Variants in VWDE observed in about 807,000 individuals in gnomAD.
VWDE encodes the protein von Willebrand factor D and EGF domain-containing protein.
A neutral mutation model predicts 178.4 loss-of-function variants in VWDE; 207 were observed. That is an observed-to-expected ratio of 1.16 (90% CI 1.04 to 1.30). The LOEUF (loss-of-function observed/expected upper bound fraction) is 1.30, where lower values mean the gene tolerates loss of function less well. Ranked by LOEUF, VWDE falls within the 50% of genes most tolerant of loss-of-function variation. VWDE has a pLI of 0.00. For synonymous variants in VWDE, 738 were observed against 651.4 expected (o/e 1.13, Z -2.02); for missense variants, 2,287 against 1,901.3 (o/e 1.20, Z -3.77).
intron 10 of VWDE, 29 bp from the exon 11 acceptor site, chr7:12,370,893 A>G (rs1308946857): frequency 4.1e-6 from 6 of 1,468,350 alleles, no homozygotes; most frequent in Admixed American, 2.7e-5. Context: ...TACAGAAATA[A>G]AAGATGTTGA....
At chr7:12,397,185 A>G (rs1209361398) in intron 1 of VWDE, among the ~76,000 whole-genome samples, 2 of 152,332 alleles carry the variant, frequency 1.3e-5, no homozygotes, top group South Asian at 4.1e-4. Flanking sequence ...ATAAGGCTAC[A>G]GTAACTAAAC....
chr7:12,390,794 T>C (rs1784349902), intron 2 of VWDE, among the ~76,000 whole-genome samples: 1 of 152,006 alleles, frequency 6.6e-6, no homozygotes, highest in Non-Finnish European at 1.5e-5. Flanking sequence ...GTACTGCTAT[T>C]GGAATTAAAA....
intron 19 of VWDE, among the ~76,000 whole-genome samples, chr7:12,345,985 G>A (rs915802307): frequency 9.2e-5 from 14 of 152,134 alleles, no homozygotes; most frequent in South Asian, 2.1e-4. Flanking sequence ...AATAAAAAAC[G>A]TTAGTCAATA....
intron 1 of VWDE, among the ~76,000 whole-genome samples, chr7:12,397,938 G>C (rs987428150): frequency 2.0e-5 from 3 of 152,126 alleles, no homozygotes; most frequent in African/African-American, 7.2e-5. Flanking sequence ...GTGGGGAAAA[G>C]GGAACATTTA....
chr7:12,347,134 C>T (rs1038296034), intron 19 of VWDE, among the ~76,000 whole-genome samples: 1 of 152,064 alleles, frequency 6.6e-6, no homozygotes, highest in Admixed American at 6.6e-5. Context: ...CTAGCAGTCC[C>T]CAGAAGAACT....
chr7:12,359,291 A>T (rs187394346), intron 16 of VWDE, among the ~76,000 whole-genome samples: 41 of 152,318 alleles, frequency 2.7e-4, no homozygotes, highest in Non-Finnish European at 4.1e-4. Flanking sequence ...TTGAGCTTAA[A>T]TGGTTAATAA....
intron 6 of VWDE, among the ~76,000 whole-genome samples, chr7:12,379,149 G>A (rs1783695649): frequency 6.6e-6 from 1 of 152,140 alleles, no homozygotes; most frequent in Non-Finnish European, 1.5e-5. Context: ...CCTGGTATCT[G>A]TCTTCCAAAA....
chr7:12,370,977 A>C, intron 10 of VWDE, 113 bp from the exon 11 acceptor site: 1 of 843,628 alleles, frequency 1.2e-6, no homozygotes, highest in Non-Finnish European at 1.7e-6. Flanking sequence ...CAATATAAAA[A>C]AAGAATAAAA....
intron 18 of VWDE, among the ~76,000 whole-genome samples, chr7:12,352,165 T>C (rs1276608044): frequency 6.6e-6 from 1 of 152,140 alleles, no homozygotes. Flanking sequence ...AGAAAATAAA[T>C]TTCTGTTGTT....
chr7:12,359,823 A>AT, intron 15 of VWDE, 131 bp from the exon 16 acceptor site: 1 of 553,526 alleles, frequency 1.8e-6, no homozygotes. Flanking sequence ...ATACTTCATA[A>AT]TCGTAAGTGC....
At chr7:12,366,537 A>G (rs1261815293) in intron 13 of VWDE, among the ~76,000 whole-genome samples, 1 of 152,132 alleles carries the variant, frequency 6.6e-6, no homozygotes, top group Non-Finnish European at 1.5e-5. Context: ...TGGGATTAAA[A>G]TATTTCATGA....
intron 1 of VWDE, among the ~76,000 whole-genome samples, chr7:12,403,431 GCAA>G (rs1785005337): frequency 6.6e-6 from 1 of 152,224 alleles, no homozygotes; most frequent in African/African-American, 2.4e-5. Flanking sequence ...GTAAGAGGAG[GCAA>G]CAACCGCATG....
chr7:12,336,098 C>T lies in VWDE; in HGVS notation c.4654+43G>A, dbSNP rs748585565. ...TATACTTTAATTATTATAACAGATTCCAATTCAGAACATATAGTAGGAAAA... is the reference window on the plus strand; with the variant it reads ...TATACTTTAATTATTATAACAGATTTCAATTCAGAACATATAGTAGGAAAA... On this transcript the variant is annotated intron_variant, in intron 27 of 28. Coordinates refer to ENST00000275358, the MANE Select transcript of VWDE (RefSeq NM_001135924.3). 8 of 1,482,226 alleles carry T rather than the reference C, an allele frequency of 5.4e-6. No individual in the cohort carries two copies. The Admixed American group carries it at 6.2e-5, about 11-fold the overall frequency. 91.8% of individuals were successfully genotyped at this position (1,482,226 alleles called of 1,614,324 possible). A position where few individuals can be genotyped will look rare whatever the true frequency, so the allele number is the denominator to read the frequency against.
At chr7:12,400,806 GAA>G (rs1176341210) in intron 1 of VWDE, among the ~76,000 whole-genome samples, 1 of 152,028 alleles carries the variant, frequency 6.6e-6, no homozygotes, top group Admixed American at 6.6e-5. Context: ...GAATATGAGT[GAA>G]AAAATTTTCA....
At chr7:12,362,112 C>T (rs1782614235) in intron 13 of VWDE, among the ~76,000 whole-genome samples, 1 of 151,784 alleles carries the variant, frequency 6.6e-6, no homozygotes, top group Admixed American at 6.6e-5. Context: ...TTGCAAGACA[C>T]AAAACTATGG....
rs1366644671 is a variant in VWDE at position 12,373,058 on chromosome 7, T to C, written c.1506A>G (p.Ser502=). The C allele has an allele frequency of 1.9e-6, 3 of 1,551,302 alleles. No individual in the cohort carries two copies. The South Asian group carries it at 3.6e-5, about 18-fold the overall frequency. Reference sequence around the variant, plus strand: ...GGCTTTTTATGAACAAATATGGTTGTGATTCACGTAGCTGACCATTGCACA... The same window carrying C: ...GGCTTTTTATGAACAAATATGGTTGCGATTCACGTAGCTGACCATTGCACA... The part of the protein sequence containing the change: ...FDMCNGQLRE[S]QPYLFIKSQD... The change falls in exon 10 of 29, where the codon TCA becomes TCG. Residue 502 remains serine, a synonymous_variant. Coordinates refer to ENST00000275358, the MANE Select transcript of VWDE (RefSeq NM_001135924.3).
intron 9 of VWDE, 34 bp downstream of exon 9, chr7:12,374,655 A>T (rs1783408216): frequency 7.1e-7 from 1 of 1,412,844 alleles, no homozygotes; most frequent in Non-Finnish European, 9.7e-7. Flanking sequence ...AAAGCAAACA[A>T]AACTACTAAA....
rs73292392 is a variant in VWDE, at chr7:12,340,410, G to T, written c.4278C>A (p.Cys1426Ter). The part of the protein sequence containing the change: ...WYGPTCSTAL[C>*]DPVCLNGGSC... The stretch of plus-strand genomic sequence containing the variant: ...AACCACCATTGAGGCAGACAGGGTC[G>T]CACAAAGCTAATAAACAGCAGGAGG... The change falls in exon 24 of 29, where the codon TGC becomes TGA. Residue 1426 changes from cysteine to a stop codon, truncating the protein, a stop_gained. Coordinates refer to ENST00000275358, the MANE Select transcript of VWDE (RefSeq NM_001135924.3). LOFTEE classifies it high-confidence loss of function. The T allele has an allele frequency of 1.3e-6, 2 of 1,549,712 alleles. No homozygotes were observed. The highest frequency in any genetic ancestry group is 2.7e-5 in the African/African-American group (2 of 72,926).
At position 12,361,151 on chromosome 7, in the gene VWDE, A is replaced by G. The variant is rs765258150; in HGVS notation, c.3155T>C (p.Ile1052Thr). The change falls in exon 15 of 29, where the codon ATA becomes ACA. Residue 1052 changes from isoleucine to threonine, a missense_variant. Ile to Thr is a moderately conservative substitution (Grantham distance 89, BLOSUM62 -1). Transcript: ENST00000275358. Reference sequence around the variant, plus strand: ...ATACATGAAAAAAATACATACCTTTATAGTACATGAGTCATTTTTATAGAG... The same window carrying G: ...ATACATGAAAAAAATACATACCTTTGTAGTACATGAGTCATTTTTATAGAG... The part of the protein sequence containing the change: ...CGLYKNDSCT[I>T]KENVCIIDGL... 1.3e-6 allele frequency: 2 copies of G among 1,511,998 alleles called. No homozygotes were observed. The highest frequency in any genetic ancestry group is 2.8e-5 in the African/African-American group (2 of 71,986). The allele number at this position is 1,511,998 out of a possible 1,614,324, so 93.7% of individuals were successfully genotyped here.
Sources: gnomAD v4.1 joint callset for allele counts (sites outside exome capture counted in the v4.1 genomes callset) on GRCh38, gnomAD v4.1.1 for gene constraint, MANE v1.5 for transcripts, NCBI Gene and HGNC (gene_info 2026-07-23, HGNC 2026-07-21) for gene names.